GRIN2A: variants seen among roughly 807,000 people sequenced by gnomAD.
GRIN2A encodes the protein glutamate ionotropic receptor NMDA type subunit 2A, also known as glutamate receptor ionotropic, NMDA 2A.
GRIN2A carries 22 observed loss-of-function variants against 113.4 expected under a neutral mutation model. The ratio of observed to expected loss-of-function variants is 0.19; its 90% CI spans 0.14 to 0.28. The LOEUF (loss-of-function observed/expected upper bound fraction) is 0.28, where lower values mean the gene tolerates loss of function less well. Among genes scored for constraint, GRIN2A ranks in the 10% least tolerant of loss-of-function variants. The probability of loss-of-function intolerance (pLI) is 1.00; values close to 1 mark genes in which losing one functional copy is unlikely to be tolerated. For missense variants in GRIN2A, 1,502 were observed against 1,887.0 expected (o/e 0.80, Z 3.78); for synonymous variants, 827 against 738.4 (o/e 1.12, Z -1.94).
At chr16:10,109,632 CAAA>C (rs200838519) in intron 2 of GRIN2A, among the ~76,000 whole-genome samples, 1 of 125,544 alleles carries the variant, frequency 8.0e-6, no homozygotes. Flanking sequence ...AACCAGATTA[CAAA>C]AAAAAAAAAA....
intron 2 of GRIN2A, among the ~76,000 whole-genome samples, chr16:10,047,775 C>T (rs2047286045): frequency 6.6e-6 from 1 of 152,192 alleles, no homozygotes; most frequent in South Asian, 2.1e-4. Flanking sequence ...TGAAAGATGA[C>T]TAATGGGCAC....
At chr16:10,005,770 TA>T (rs1329170152) in intron 2 of GRIN2A, among the ~76,000 whole-genome samples, 1 of 152,212 alleles carries the variant, frequency 6.6e-6, no homozygotes, top group Non-Finnish European at 1.5e-5. Context: ...AATTCCATTA[TA>T]AATTCTATTA....
intron 3 of GRIN2A, among the ~76,000 whole-genome samples, chr16:9,898,328 T>A (rs1254783581): frequency 1.3e-5 from 2 of 152,198 alleles, no homozygotes; most frequent in South Asian, 4.1e-4. Context: ...TATACTCATT[T>A]CCAGAGTCCC....
chr16:9,863,304 A>G (rs1028152232), intron 4 of GRIN2A, among the ~76,000 whole-genome samples: 1 of 152,324 alleles, frequency 6.6e-6, no homozygotes, highest in Non-Finnish European at 1.5e-5. Context: ...TCTCGCCCCA[A>G]TATGCACAGT....
chr16:9,880,021 C>T (rs2043446239), intron 4 of GRIN2A, among the ~76,000 whole-genome samples: 2 of 152,132 alleles, frequency 1.3e-5, no homozygotes, highest in Non-Finnish European at 2.9e-5. Context: ...CAAACTTACC[C>T]ATTTGAAACA....
chr16:10,135,178 G>T (rs1367360982), intron 2 of GRIN2A, among the ~76,000 whole-genome samples: 2 of 152,206 alleles, frequency 1.3e-5, no homozygotes, highest in African/African-American at 2.4e-5. Context: ...TGCAAGTTCA[G>T]ATTTCCACAC....
intron 2 of GRIN2A, among the ~76,000 whole-genome samples, chr16:10,146,512 C>A (rs1348915198): frequency 6.6e-6 from 1 of 152,078 alleles, no homozygotes; most frequent in African/African-American, 2.4e-5. Flanking sequence ...ATCTTCATCT[C>A]CCACTGAGAT....
At chr16:10,100,545 T>C (rs1282781460) in intron 2 of GRIN2A, among the ~76,000 whole-genome samples, 2 of 152,220 alleles carry the variant, frequency 1.3e-5, no homozygotes, top group Non-Finnish European at 2.9e-5. Flanking sequence ...AGATGGCATG[T>C]AGAAAGCACC....
intron 2 of GRIN2A, chr16:10,179,365 T>G (rs2050212708): frequency 6.5e-6 from 1 of 153,906 alleles, no homozygotes; most frequent in Admixed American, 6.4e-5. Flanking sequence ...TCCCACCCAC[T>G]CCCCTTGAGG....
intron 2 of GRIN2A, among the ~76,000 whole-genome samples, chr16:9,964,215 T>C (rs1398525020): frequency 6.6e-6 from 1 of 152,180 alleles, no homozygotes; most frequent in Non-Finnish European, 1.5e-5. Context: ...AATATCCAAA[T>C]GGAGTTTCAT....
intron 10 of GRIN2A, among the ~76,000 whole-genome samples, chr16:9,815,693 C>T (rs2042174418): frequency 6.6e-6 from 1 of 152,120 alleles, no homozygotes; most frequent in African/African-American, 2.4e-5. Context: ...GCAAATGGGA[C>T]TGTGGAAAAC....
intron 2 of GRIN2A, among the ~76,000 whole-genome samples, chr16:10,058,028 G>A (rs548676552): frequency 1.6e-4 from 25 of 152,288 alleles, no homozygotes; most frequent in South Asian, 6.2e-4. Context: ...GCCAAGGAGG[G>A]TGGATCACTC....
rs1900536518 is a variant in GRIN2A at position 9,760,495 on chromosome 16, A to C, written c.*2654T>G. 1 of 222,864 alleles carries C rather than the reference A, an allele frequency of 4.5e-6. No individual in the cohort carries two copies. The highest frequency in any genetic ancestry group is 8.9e-6 in the Non-Finnish European group (1 of 111,882). 13.8% of individuals were successfully genotyped at this position (222,864 alleles called of 1,614,324 possible). On this transcript the variant is annotated 3_prime_UTR_variant, in exon 13 of 13. Transcript: ENST00000330684. ...CATTTCTGATTATTTATTTGAAAAA[A>C]CACTTCGGTCAGTGAAAAGAATATA...
At chr16:9,946,271 C>G (rs1253854518) in intron 2 of GRIN2A, among the ~76,000 whole-genome samples, 2 of 152,122 alleles carry the variant, frequency 1.3e-5, no homozygotes, top group Non-Finnish European at 2.9e-5. Flanking sequence ...GGGTCATTAG[C>G]AATTATGGAT....
At chr16:9,893,653 T>C (rs1244105638) in intron 3 of GRIN2A, among the ~76,000 whole-genome samples, 4 of 151,982 alleles carry the variant, frequency 2.6e-5, no homozygotes, top group Non-Finnish European at 5.9e-5. Context: ...TTTTAGTAGA[T>C]ACAGGGTTTT....
intron 2 of GRIN2A, among the ~76,000 whole-genome samples, chr16:10,055,053 A>G (rs2047424417): frequency 1.5e-5 from 1 of 66,376 alleles, no homozygotes; most frequent in Admixed American, 1.6e-4. Flanking sequence ...ATCTCAAAAA[A>G]AAAAAAAAAA....
chr16:10,121,083 G>T (rs755314971), intron 2 of GRIN2A, among the ~76,000 whole-genome samples: 23 of 152,168 alleles, frequency 1.5e-4, no homozygotes, highest in Non-Finnish European at 2.6e-4. Context: ...TACTTTCATC[G>T]GTCCAACACT....
intron 2 of GRIN2A, among the ~76,000 whole-genome samples, chr16:10,042,467 A>T (rs7198417): frequency 6.6e-6 from 1 of 151,974 alleles, no homozygotes; most frequent in Non-Finnish European, 1.5e-5. Flanking sequence ...CCAGTCCTCC[A>T]GCCTCAGTCC....
intron 2 of GRIN2A, among the ~76,000 whole-genome samples, chr16:10,073,721 T>G (rs1480115721): frequency 6.7e-6 from 1 of 150,070 alleles, no homozygotes; most frequent in African/African-American, 2.5e-5. Context: ...CTGGCCAACA[T>G]GGTGAAACCG....
Sources: allele counts gnomAD v4.1 joint callset (sites outside exome capture counted in the v4.1 genomes callset), GRCh38; gene constraint gnomAD v4.1.1; transcripts MANE v1.5; gene names NCBI Gene and HGNC (gene_info 2026-07-23, HGNC 2026-07-21).